RARB: variants seen among roughly 807,000 people sequenced by gnomAD.
RARB encodes the protein retinoic acid receptor beta, also known as HBV-activated protein.
Under a neutral mutation model 51.9 loss-of-function variants are expected in RARB, and 17 were observed. The observed-to-expected ratio is 0.33, with a 90% CI of 0.22 to 0.49. The LOEUF (loss-of-function observed/expected upper bound fraction) is 0.49, where lower values mean the gene tolerates loss of function less well. RARB is among the 20% of genes least tolerant of loss of function. RARB has a pLI of 0.99. For synonymous variants in RARB, 215 were observed against 195.4 expected, an observed-to-expected ratio of 1.10 and a Z score of -0.84; for missense variants, 369 against 550.8, an observed-to-expected ratio of 0.67 and a Z score of 3.30.
intron 4 of RARB, among the ~76,000 whole-genome samples, chr3:25,134,643 T>C (rs1310363863): frequency 6.6e-6 from 1 of 152,018 alleles, no homozygotes; most frequent in Admixed American, 6.6e-5. Flanking sequence ...GAAAACTTGA[T>C]TCTCCATTCT....
At chr3:25,079,899 G>C (rs1698957485) in intron 3 of RARB, among the ~76,000 whole-genome samples, 1 of 151,936 alleles carries the variant, frequency 6.6e-6, no homozygotes. Context: ...AGTTGTAAAG[G>C]GTTTTATTCT....
intron 5 of RARB, among the ~76,000 whole-genome samples, chr3:25,196,274 A>G (rs367826188): frequency 1.1e-4 from 17 of 151,748 alleles, no homozygotes; most frequent in African/African-American, 3.6e-4. Flanking sequence ...CCTGTGTCCA[A>G]GTGTTCTCAT....
At chr3:25,303,775 G>A (rs539621315) in intron 5 of RARB, among the ~76,000 whole-genome samples, 3 of 152,270 alleles carry the variant, frequency 2.0e-5, no homozygotes, top group South Asian at 2.1e-4. Flanking sequence ...TTTGAGCACC[G>A]TAGAGCCACA....
chr3:25,565,581 G>T (rs1006834462), intron 3 of RARB, among the ~76,000 whole-genome samples: 1 of 152,134 alleles, frequency 6.6e-6, no homozygotes, highest in East Asian at 1.9e-4. Context: ...TTCATTGAAT[G>T]AATGAATGAA....
chr3:25,129,050 A>C (rs1699903717), intron 3 of RARB, among the ~76,000 whole-genome samples: 1 of 152,132 alleles, frequency 6.6e-6, no homozygotes, highest in Admixed American at 6.6e-5. Context: ...ATCTAGAAAA[A>C]ATAGTGTTTA....
chr3:25,253,950 A>T (rs1192619996), intron 5 of RARB, among the ~76,000 whole-genome samples: 1 of 152,178 alleles, frequency 6.6e-6, no homozygotes. Flanking sequence ...ACTGTGTCCT[A>T]AAAGAATAAA....
chr3:25,126,726 A>G (rs766473107), intron 3 of RARB, among the ~76,000 whole-genome samples: 1 of 152,192 alleles, frequency 6.6e-6, no homozygotes, highest in Non-Finnish European at 1.5e-5. Context: ...TACATCACTG[A>G]TCAATGGAAC....
chr3:25,226,931 T>TGTTTATGATATGATAAATG (rs1244548608), intron 5 of RARB, among the ~76,000 whole-genome samples: 2 of 152,242 alleles, frequency 1.3e-5, no homozygotes, highest in African/African-American at 4.8e-5. Flanking sequence ...AAGAGACCAA[T>TGTTTATGATATGATAAATG]TATATGATAG....
rs189291097 is a variant in RARB at position 25,406,181 on chromosome 3, G to A, written c.179-55012G>A. ...CAGGGCTGGCCACATTCAGGTCATG[G>A]ATATACATACCCACCTTTTGGATAT... On this transcript the variant is annotated intron_variant, in intron 5 of 11. Coordinates refer to the RARB transcript ENST00000383772. Among the ~76,000 whole-genome samples the A allele has an allele frequency of 1.1e-3, 169 of 152,258 alleles. 5 individuals are homozygous for A. The highest frequency in any genetic ancestry group is 2.3e-3 in the Admixed American group (35 of 15,290).
chr3:24,906,508 T>G (rs1015505008), intron 2 of RARB, among the ~76,000 whole-genome samples: 3 of 152,148 alleles, frequency 2.0e-5, no homozygotes, highest in African/African-American at 7.2e-5. Context: ...ATTTATCATT[T>G]TGGGAAGGCT....
intron 2 of RARB, among the ~76,000 whole-genome samples, chr3:24,918,575 C>A (rs968658291): frequency 2.0e-5 from 3 of 152,120 alleles, no homozygotes; most frequent in African/African-American, 7.2e-5. Flanking sequence ...AAAGCTGTTA[C>A]AAATATTGTA....
chr3:25,554,045 T>C (rs553118720), intron 3 of RARB, among the ~76,000 whole-genome samples: 1 of 151,732 alleles, frequency 6.6e-6, no homozygotes, highest in East Asian at 1.9e-4. Context: ...CATGTTAATC[T>C]GTGTTTGGTT....
At chr3:24,964,598 T>G (rs1696213515) in intron 2 of RARB, among the ~76,000 whole-genome samples, 1 of 152,158 alleles carries the variant, frequency 6.6e-6, no homozygotes, top group African/African-American at 2.4e-5. Flanking sequence ...CAGGCAGACA[T>G]GTAGATGGTT....
intron 2 of RARB, among the ~76,000 whole-genome samples, chr3:25,465,141 A>G (rs977577431): frequency 6.6e-6 from 1 of 152,206 alleles, no homozygotes; most frequent in African/African-American, 2.4e-5. Flanking sequence ...TTGCCAGAAT[A>G]CCCCGTAGAA....
chr3:24,886,175 C>A (rs974876034), intron 2 of RARB, among the ~76,000 whole-genome samples: 3 of 152,146 alleles, frequency 2.0e-5, no homozygotes, highest in African/African-American at 7.2e-5. Flanking sequence ...TTAGGCATTT[C>A]TTTTCTGTGA....
intron 3 of RARB, among the ~76,000 whole-genome samples, chr3:25,551,586 G>C (rs774288069): frequency 2.0e-5 from 3 of 152,214 alleles, no homozygotes. Flanking sequence ...TGAGGTGCCA[G>C]TGATATCTAA....
chr3:25,263,060 A>G (rs1471011239), intron 5 of RARB, among the ~76,000 whole-genome samples: 1 of 152,206 alleles, frequency 6.6e-6, no homozygotes, highest in Non-Finnish European at 1.5e-5. Flanking sequence ...TCTAGGGATC[A>G]GCACAGAAGG....
At chr3:24,840,340 C>T (rs1309643553) in intron 1 of RARB, among the ~76,000 whole-genome samples, 1 of 152,114 alleles carries the variant, frequency 6.6e-6, no homozygotes. Flanking sequence ...GGTATAAAGG[C>T]ACAGAATAGT....
At chr3:25,579,301 C>T (rs1701072502) in intron 4 of RARB, among the ~76,000 whole-genome samples, 1 of 152,176 alleles carries the variant, frequency 6.6e-6, no homozygotes, top group Non-Finnish European at 1.5e-5. Context: ...GTCACATAAC[C>T]TGACTCCAGT....
Sources: allele counts gnomAD v4.1 joint callset (sites outside exome capture counted in the v4.1 genomes callset), GRCh38; gene constraint gnomAD v4.1.1; transcripts MANE v1.5; gene names NCBI Gene and HGNC (gene_info 2026-07-23, HGNC 2026-07-21).